Variants in BRINP3 observed in about 807,000 individuals in gnomAD.
The protein encoded by BRINP3 is BMP/retinoic acid inducible neural specific 3.
A neutral mutation model predicts 71.0 loss-of-function variants in BRINP3; 19 were observed. That is an observed-to-expected ratio of 0.27 (90% CI 0.19 to 0.39). The LOEUF is 0.39. BRINP3 is among the 10% of genes least tolerant of loss of function. BRINP3 has a pLI of 1.00. For synonymous variants in BRINP3, 380 were observed against 337.7 expected (o/e 1.13, Z -1.37); for missense variants, 959 against 940.8 (o/e 1.02, Z -0.25).
intron 7 of BRINP3, among the ~76,000 whole-genome samples, chr1:190,114,042 G>A (rs990898889): frequency 2.0e-5 from 3 of 152,108 alleles, no homozygotes; most frequent in African/African-American, 7.2e-5. Flanking sequence ...ATCTCATGTT[G>A]AAATGTTATC....
intron 2 of BRINP3, among the ~76,000 whole-genome samples, chr1:190,416,686 C>T (rs191564145): frequency 3.9e-5 from 6 of 152,114 alleles, no homozygotes; most frequent in African/African-American, 7.2e-5. Context: ...CCCTAGTCAC[C>T]GTGAAGTGCC....
Position 190,229,324 on chromosome 1 carries a change from C to T in BRINP3, c.725-3006G>A, listed in dbSNP as rs1466264878. On this transcript the variant is annotated intron_variant, in intron 5 of 7. Coordinates refer to ENST00000367462, the MANE Select transcript of BRINP3 (RefSeq NM_199051.3). ...TGATGGTTTTATAAATGGGACCTCCCCTGCACAAACTCTCTCTTGTCTGCC... is the reference window on the plus strand; with the variant it reads ...TGATGGTTTTATAAATGGGACCTCCTCTGCACAAACTCTCTCTTGTCTGCC... Among the ~76,000 whole-genome samples the T allele has an allele frequency of 3.9e-5, 6 of 152,000 alleles. No individual in the cohort carries two copies. In the South Asian group the frequency reaches 1.0e-3, roughly 26 times the overall value.
chr1:190,273,825 A>G (rs1662322911), intron 3 of BRINP3, among the ~76,000 whole-genome samples: 1 of 151,630 alleles, frequency 6.6e-6, no homozygotes, highest in African/African-American at 2.4e-5. Context: ...AGATAAAACA[A>G]TGATACGAAG....
intron 6 of BRINP3, among the ~76,000 whole-genome samples, chr1:190,165,064 A>C (rs1277006554): frequency 6.6e-6 from 1 of 152,148 alleles, no homozygotes; most frequent in South Asian, 2.1e-4. Context: ...TTTCAGTACA[A>C]TGATAGAAAA....
intron 3 of BRINP3, among the ~76,000 whole-genome samples, chr1:190,266,083 A>G (rs1661637143): frequency 6.6e-6 from 1 of 152,208 alleles, no homozygotes. Flanking sequence ...GACATTAAGA[A>G]CTTGTGATCC....
chr1:190,366,359 C>T (rs1669501080), intron 2 of BRINP3, among the ~76,000 whole-genome samples: 1 of 150,316 alleles, frequency 6.7e-6, no homozygotes, highest in Non-Finnish European at 1.5e-5. Flanking sequence ...CCTGAGAACT[C>T]ACTCACTAGC....
intron 2 of BRINP3, among the ~76,000 whole-genome samples, chr1:190,366,927 T>A (rs1207104796): frequency 3.3e-5 from 5 of 152,220 alleles, no homozygotes. Flanking sequence ...TTGCAGAGTA[T>A]AGCCCTCCTC....
rs370158699 is a variant in BRINP3, at chr1:190,263,431, G to T, written c.618+1434C>A. ...CAACATCATCTACTAGCAACATTAGGATTTTGTCATATTGTTTAAGTAACC... is the reference window on the plus strand; with the variant it reads ...CAACATCATCTACTAGCAACATTAGTATTTTGTCATATTGTTTAAGTAACC... On this transcript the variant is annotated intron_variant, in intron 4 of 7. Coordinates refer to ENST00000367462, the MANE Select transcript of BRINP3 (RefSeq NM_199051.3). 2.6e-5 allele frequency among the ~76,000 whole-genome samples: 4 copies of T among 152,018 alleles called. No individual in the cohort carries two copies. The East Asian group carries it at 5.8e-4, about 22-fold the overall frequency.
intron 6 of BRINP3, among the ~76,000 whole-genome samples, chr1:190,209,692 T>C (rs894320408): frequency 2.6e-5 from 4 of 152,164 alleles, no homozygotes; most frequent in Admixed American, 6.5e-5. Flanking sequence ...GATAATCAAA[T>C]AGAAAATATT....
chr1:190,403,020 C>G (rs1672034387), intron 2 of BRINP3, among the ~76,000 whole-genome samples: 1 of 152,198 alleles, frequency 6.6e-6, no homozygotes, highest in Non-Finnish European at 1.5e-5. Context: ...AGCTACCTAT[C>G]TTGTCCGGCA....
In BRINP3 at chr1:190,159,770, T is replaced by C. The variant is rs556522731; in HGVS notation, c.1184+898A>G. 5.2e-4 allele frequency among the ~76,000 whole-genome samples: 79 copies of C among 152,098 alleles called. 1 individual carries two copies. Among genetic ancestry groups the C allele is most frequent in the Middle Eastern group, 6.8e-3 (2 of 294 alleles). Reference sequence around the variant, plus strand: ...AAAATGACCTCACCTTAGATTATGATGGTTGCATAGTTTTTTTTTTATACT... The same window carrying C: ...AAAATGACCTCACCTTAGATTATGACGGTTGCATAGTTTTTTTTTTATACT... On this transcript the variant is annotated intron_variant, in intron 7 of 7. Coordinates refer to ENST00000367462, the MANE Select transcript of BRINP3 (RefSeq NM_199051.3).
chr1:190,281,815 A>G, intron 2 of BRINP3, 65 bp from the exon 3 acceptor site: 1 of 1,481,336 alleles, frequency 6.8e-7, no homozygotes, highest in Admixed American at 2.0e-5. Context: ...ATTTGAGTTC[A>G]CTTGGTAGCT....
chr1:190,333,507 T>C (rs1667094758), intron 2 of BRINP3, among the ~76,000 whole-genome samples: 1 of 151,952 alleles, frequency 6.6e-6, no homozygotes, highest in South Asian at 2.1e-4. Flanking sequence ...TAAATATGCA[T>C]TATTAATGAT....
chr1:190,412,287 A>G (rs1672716846), intron 2 of BRINP3, among the ~76,000 whole-genome samples: 1 of 151,582 alleles, frequency 6.6e-6, no homozygotes, highest in Non-Finnish European at 1.5e-5. Flanking sequence ...CATGTAAAAT[A>G]TAGATTATTA....
At chr1:190,184,887 A>G (rs1002320258) in intron 6 of BRINP3, among the ~76,000 whole-genome samples, 57 of 152,270 alleles carry the variant, frequency 3.7e-4, no homozygotes, top group African/African-American at 1.3e-3. Context: ...CTTAATCTAA[A>G]GTAAAAGTAG....
At chr1:190,401,456 A>G (rs1372048602) in intron 2 of BRINP3, among the ~76,000 whole-genome samples, 3 of 151,792 alleles carry the variant, frequency 2.0e-5, no homozygotes, top group East Asian at 3.9e-4. Context: ...AAGCATGCCC[A>G]AACTTCAGAC....
At chr1:190,289,164 G>T (rs1418205373) in intron 2 of BRINP3, among the ~76,000 whole-genome samples, 1 of 151,746 alleles carries the variant, frequency 6.6e-6, no homozygotes, top group Non-Finnish European at 1.5e-5. Flanking sequence ...AAGAATAACT[G>T]CATTTCTAGT....
intron 2 of BRINP3, among the ~76,000 whole-genome samples, chr1:190,304,407 A>T (rs1208567797): frequency 1.3e-5 from 2 of 151,776 alleles, no homozygotes; most frequent in Non-Finnish European, 2.9e-5. Context: ...ATTAACCCAA[A>T]CTGATACTGG....
At chr1:190,168,559 G>C (rs1005330671) in intron 6 of BRINP3, among the ~76,000 whole-genome samples, 2 of 152,148 alleles carry the variant, frequency 1.3e-5, no homozygotes, top group South Asian at 4.1e-4. Flanking sequence ...GTAAAAAATT[G>C]TAATGGAAGA....
Sources: gnomAD v4.1 joint callset for allele counts (sites outside exome capture counted in the v4.1 genomes callset) on GRCh38, gnomAD v4.1.1 for gene constraint, MANE v1.5 for transcripts, NCBI Gene and HGNC (gene_info 2026-07-23, HGNC 2026-07-21) for gene names.